Variants in BBX observed in about 807,000 individuals in gnomAD.
BBX encodes the protein HMG box transcription factor BBX.
A neutral mutation model predicts 100.2 loss-of-function variants in BBX; 30 were observed. That is an observed-to-expected ratio of 0.30 (90% CI 0.22 to 0.41). The LOEUF is 0.41. BBX is among the 10% of genes least tolerant of loss of function. The pLI is 1.00. For synonymous variants in BBX, 376 were observed against 388.1 expected (o/e 0.97, Z 0.37); for missense variants, 1,023 against 1,129.8 (o/e 0.91, Z 1.35).
chr3:107,786,575 C>T (rs2068448944), intron 13 of BBX, among the ~76,000 whole-genome samples: 1 of 152,118 alleles, frequency 6.6e-6, no homozygotes, highest in Non-Finnish European at 1.5e-5. Context: ...AAAAATGATT[C>T]TGGATCAACT....
chr3:107,523,636 C>G (rs2047526956), intron 1 of BBX: 1 of 152,004 alleles, frequency 6.6e-6, no homozygotes, highest in African/African-American at 2.4e-5. Context: ...GAGCCCCAAA[C>G]TTCATCTCGG....
chr3:107,774,609 T>G (rs1576746292), intron 11 of BBX, 110 bp from the exon 12 acceptor site: 1 of 1,185,680 alleles, frequency 8.4e-7, no homozygotes, highest in East Asian at 2.4e-5. Context: ...TACAGTTAGC[T>G]TCATGCAAAT....
At chr3:107,592,403 A>G (rs1223991319) in intron 2 of BBX, among the ~76,000 whole-genome samples, 3 of 146,014 alleles carry the variant, frequency 2.1e-5, no homozygotes, top group African/African-American at 7.4e-5. Context: ...AGATGACTGT[A>G]TGTTCTTTGT....
intron 12 of BBX, chr3:107,776,470 T>C (rs1231865977): frequency 6.6e-6 from 1 of 152,190 alleles, no homozygotes; most frequent in East Asian, 1.9e-4. Context: ...TTTCCTCCTT[T>C]CTCCCTTTAA....
At chr3:107,577,295 G>A (rs1468464804) in intron 2 of BBX, among the ~76,000 whole-genome samples, 1 of 152,178 alleles carries the variant, frequency 6.6e-6, no homozygotes, top group Non-Finnish European at 1.5e-5. Context: ...CTCAGTATAT[G>A]GTACTGTTGG....
At chr3:107,606,111 T>TA (rs1412772348) in intron 2 of BBX, among the ~76,000 whole-genome samples, 2 of 152,148 alleles carry the variant, frequency 1.3e-5, no homozygotes, top group African/African-American at 4.8e-5. Context: ...TAGTTGTAGT[T>TA]AAAAAAAGAG....
intron 2 of BBX, among the ~76,000 whole-genome samples, chr3:107,602,305 C>T (rs529395532): frequency 2.0e-5 from 3 of 152,306 alleles, no homozygotes; most frequent in African/African-American, 7.2e-5. Flanking sequence ...TTAAGAAATA[C>T]ATTTCCTAAG....
At chr3:107,588,779 A>G (rs1210729241) in intron 2 of BBX, among the ~76,000 whole-genome samples, 2 of 152,342 alleles carry the variant, frequency 1.3e-5, no homozygotes, top group African/African-American at 2.4e-5. Flanking sequence ...AACATATAAC[A>G]TGTTTTAAAG....
At chr3:107,575,204 A>G (rs1306502037) in intron 2 of BBX, among the ~76,000 whole-genome samples, 3 of 152,216 alleles carry the variant, frequency 2.0e-5, no homozygotes, top group African/African-American at 7.2e-5. Flanking sequence ...TCAATTAAAA[A>G]TAGTAAAATC....
intron 5 of BBX, among the ~76,000 whole-genome samples, chr3:107,721,130 T>C (rs2062494875): frequency 6.6e-6 from 1 of 152,034 alleles, no homozygotes; most frequent in Admixed American, 6.6e-5. Context: ...AAACTTTTAT[T>C]TTATATATTT....
chr3:107,638,692 G>A (rs2056994884), intron 2 of BBX: 1 of 151,224 alleles, frequency 6.6e-6, no homozygotes, highest in Non-Finnish European at 1.5e-5. Context: ...GCCGAGGTGG[G>A]AGGACTGGTT....
intron 2 of BBX, among the ~76,000 whole-genome samples, chr3:107,638,778 TA>T (rs2057008359): frequency 4.6e-5 from 1 of 21,626 alleles, no homozygotes; most frequent in Non-Finnish European, 9.1e-5. Flanking sequence ...AAAAAAAAAG[TA>T]TACACACACA....
chr3:107,691,988 C>A (rs957625455), intron 3 of BBX, among the ~76,000 whole-genome samples: 10 of 151,882 alleles, frequency 6.6e-5, no homozygotes, highest in Admixed American at 6.6e-4. Context: ...GAAGTGAAGT[C>A]GATTTGACTG....
chr3:107,778,343 G>A, intron 12 of BBX, 28 bp from the exon 13 acceptor site: 3 of 1,612,098 alleles, frequency 1.9e-6, no homozygotes, highest in Non-Finnish European at 1.7e-6. Flanking sequence ...GTCATGTGCT[G>A]ATTGATTCCC....
chr3:107,621,884 A>C (rs1373579014), intron 2 of BBX, among the ~76,000 whole-genome samples: 7 of 152,106 alleles, frequency 4.6e-5, no homozygotes, highest in African/African-American at 1.2e-4. Context: ...TCATAGATAC[A>C]CCAGTAATTT....
intron 3 of BBX, among the ~76,000 whole-genome samples, chr3:107,703,431 T>C (rs1297524127): frequency 1.3e-5 from 2 of 152,178 alleles, no homozygotes; most frequent in African/African-American, 4.8e-5. Flanking sequence ...TTGAGAACCA[T>C]GTTAAGCTGT....
intron 2 of BBX, among the ~76,000 whole-genome samples, chr3:107,637,266 T>G (rs988475066): frequency 6.6e-6 from 1 of 152,194 alleles, no homozygotes; most frequent in African/African-American, 2.4e-5. Context: ...TTTCTTTGCC[T>G]TCAGACTAGA....
intron 2 of BBX, among the ~76,000 whole-genome samples, chr3:107,585,672 T>A (rs1001536213): frequency 6.6e-6 from 1 of 152,142 alleles, no homozygotes; most frequent in African/African-American, 2.4e-5. Context: ...TTATCAAAAT[T>A]TATAATTTCT....
chr3:107,660,435 C>T (rs1358147031), intron 3 of BBX, among the ~76,000 whole-genome samples: 1 of 144,100 alleles, frequency 6.9e-6, no homozygotes, highest in Non-Finnish European at 1.5e-5. Flanking sequence ...ACTTTTTGTT[C>T]ACTTCTTAAA....
Sources: gnomAD v4.1 joint callset for allele counts (sites outside exome capture counted in the v4.1 genomes callset) on GRCh38, gnomAD v4.1.1 for gene constraint, MANE v1.5 for transcripts, NCBI Gene and HGNC (gene_info 2026-07-23, HGNC 2026-07-21) for gene names.